GMDS: variants seen among roughly 807,000 people sequenced by gnomAD.
GMDS encodes the protein GDP-mannose 4,6-dehydratase, also known as GDP-mannose 4,6 dehydratase.
Under a neutral mutation model 49.9 loss-of-function variants are expected in GMDS, and 20 were observed. That is an observed-to-expected ratio of 0.40 (90% CI 0.28 to 0.58). The LOEUF (loss-of-function observed/expected upper bound fraction) is 0.58, where lower values mean the gene tolerates loss of function less well. Ranked by LOEUF, GMDS falls within the 20% of genes least tolerant of loss-of-function variation. The probability of loss-of-function intolerance (pLI) is 0.42; values close to 1 mark genes in which losing one functional copy is unlikely to be tolerated. For missense variants in GMDS, 362 were observed against 481.4 expected (o/e 0.75, Z 2.32); for synonymous variants, 177 against 178.6 (o/e 0.99, Z 0.07).
rs1763291374 is a variant in GMDS at position 1,640,331 on chromosome 6, A to C, written c.988-15791T>G. Among the ~76,000 whole-genome samples the C allele has an allele frequency of 3.9e-5, 6 of 152,178 alleles. No individual in the cohort carries two copies. The highest frequency in any genetic ancestry group is 3.9e-4 in the Admixed American group (6 of 15,286). On this transcript the variant is annotated intron_variant, in intron 9 of 10. Transcript: ENST00000380815. This position sits in a 1 kb window ranked among gnomAD's most constrained non-coding sequence, Gnocchi z 4.0. ...TAGGGTCACAGAGACTTAGGTTGAC[A>C]CTAGATTCACCACGTTTGAGGTGGC... is the stretch of plus-strand genomic sequence containing the variant.
chr6:2,240,901 A>T (rs1002163364), intron 1 of GMDS, among the ~76,000 whole-genome samples: 5 of 152,242 alleles, frequency 3.3e-5, no homozygotes, highest in African/African-American at 4.8e-5. Flanking sequence ...AAATTTTTCA[A>T]ATCTACAACC....
At chr6:2,151,146 A>G (rs1028137916) in intron 1 of GMDS, among the ~76,000 whole-genome samples, 2 of 152,096 alleles carry the variant, frequency 1.3e-5, no homozygotes, top group African/African-American at 4.8e-5. Flanking sequence ...AAATAATATA[A>G]TTATACATTT....
At chr6:2,010,365 T>C (rs751464842) in intron 4 of GMDS, among the ~76,000 whole-genome samples, 1 of 143,766 alleles carries the variant, frequency 7.0e-6, no homozygotes, top group Admixed American at 6.9e-5. Flanking sequence ...AAAAAACACA[T>C]AGCACATCAA....
intron 4 of GMDS, among the ~76,000 whole-genome samples, chr6:1,993,737 T>TAA (rs111826936): frequency 0.22 from 32,045 of 145,226 alleles, 3,579 homozygotes; most frequent in Non-Finnish European, 0.23. Context: ...ACTCCTTCTC[T>TAA]AAAAAAAAAA....
intron 7 of GMDS, among the ~76,000 whole-genome samples, chr6:1,749,104 G>A (rs1767625500): frequency 6.6e-6 from 1 of 152,144 alleles, no homozygotes; most frequent in East Asian, 1.9e-4. Flanking sequence ...CAACTTCATT[G>A]CACGCTTTGC....
At chr6:2,109,174 G>C (rs1214829608) in intron 4 of GMDS, among the ~76,000 whole-genome samples, 2 of 152,152 alleles carry the variant, frequency 1.3e-5, no homozygotes, top group African/African-American at 4.8e-5. Flanking sequence ...CTGTGAGCAG[G>C]CAGCACACTG....
At chr6:2,179,409 G>C (rs538591483) in intron 1 of GMDS, among the ~76,000 whole-genome samples, 5 of 152,338 alleles carry the variant, frequency 3.3e-5, no homozygotes, top group Admixed American at 2.6e-4. Flanking sequence ...CACTGTGGTA[G>C]TATTAAGAGG....
chr6:1,997,049 C>T (rs1411765337), intron 4 of GMDS, among the ~76,000 whole-genome samples: 2 of 151,828 alleles, frequency 1.3e-5, no homozygotes, highest in Non-Finnish European at 2.9e-5. Flanking sequence ...TCCTAGTGGG[C>T]TGATGATTCT....
chr6:1,720,899 G>A (rs1027274854), intron 9 of GMDS, among the ~76,000 whole-genome samples: 1 of 152,104 alleles, frequency 6.6e-6, no homozygotes, highest in Admixed American at 6.6e-5. Flanking sequence ...TGCTTTGGGA[G>A]GGGAAGTGTG....
intron 1 of GMDS, among the ~76,000 whole-genome samples, chr6:2,229,204 A>G (rs966074318): frequency 6.6e-6 from 1 of 152,148 alleles, no homozygotes; most frequent in Non-Finnish European, 1.5e-5. Flanking sequence ...CAATGTTCTC[A>G]TTTCCAGAAG....
At chr6:2,090,660 T>A (rs1024906070) in intron 4 of GMDS, among the ~76,000 whole-genome samples, 1 of 152,154 alleles carries the variant, frequency 6.6e-6, no homozygotes, top group Non-Finnish European at 1.5e-5. Flanking sequence ...TACAGTGGAA[T>A]AAAAACCAAA....
At chr6:2,068,748 T>C (rs577818838) in intron 4 of GMDS, among the ~76,000 whole-genome samples, 1 of 152,140 alleles carries the variant, frequency 6.6e-6, no homozygotes, top group South Asian at 2.1e-4. Flanking sequence ...TACAAGCCAC[T>C]GCTCAAGGAA....
At chr6:1,950,176 T>C (rs1043042141) in intron 6 of GMDS, among the ~76,000 whole-genome samples, 6 of 152,248 alleles carry the variant, frequency 3.9e-5, no homozygotes, top group African/African-American at 1.4e-4. Flanking sequence ...TCATGCATTA[T>C]ATTATTCCCT....
intron 9 of GMDS, among the ~76,000 whole-genome samples, chr6:1,634,582 C>T (rs1319080738): frequency 6.6e-6 from 1 of 152,226 alleles, no homozygotes; most frequent in Non-Finnish European, 1.5e-5. Flanking sequence ...ACAGTGAGAA[C>T]CCGCTCACTT....
At chr6:1,903,261 G>A (rs1295154166) in intron 7 of GMDS, among the ~76,000 whole-genome samples, 11 of 152,296 alleles carry the variant, frequency 7.2e-5, no homozygotes, top group African/African-American at 2.4e-4. Context: ...ATATGATCAC[G>A]ATATAGGGTT....
At chr6:1,915,738 A>G (rs549248628) in intron 7 of GMDS, among the ~76,000 whole-genome samples, 2 of 152,318 alleles carry the variant, frequency 1.3e-5, no homozygotes, top group Non-Finnish European at 2.9e-5. Flanking sequence ...TCTATGCCTT[A>G]TGTTTTCCCT....
rs765059011 is a variant in GMDS at position 2,227,208 on chromosome 6, CAT to C, written c.102+18111_102+18112del. On this transcript the variant is annotated intron_variant, in intron 1 of 10. Coordinates refer to ENST00000380815, the MANE Select transcript of GMDS (RefSeq NM_001500.4). Reference sequence around the variant, plus strand: ...AATATATATATTTCCATATATATGTCATATATATATATAAAATGTTTCAAGTC... The same window carrying C: ...AATATATATATTTCCATATATATGTCATATATATATAAAATGTTTCAAGTC... 4.8e-4 allele frequency among the ~76,000 whole-genome samples: 72 copies of C among 151,220 alleles called. 4 individuals are homozygous for C. The highest frequency in any genetic ancestry group is 1.2e-4 in the Non-Finnish European group (8 of 67,822).
intron 4 of GMDS, among the ~76,000 whole-genome samples, chr6:2,090,988 C>T (rs1773284890): frequency 6.6e-6 from 1 of 152,222 alleles, no homozygotes. Context: ...AGGGTGTACA[C>T]TGTGGACTGC....
At chr6:2,213,403 T>C (rs1780163130) in intron 1 of GMDS, among the ~76,000 whole-genome samples, 6 of 152,276 alleles carry the variant, frequency 3.9e-5, no homozygotes, top group Admixed American at 3.3e-4. Context: ...ATTTGTGACA[T>C]GAAAATAACA....
Sources: gnomAD v4.1 joint callset for allele counts (sites outside exome capture counted in the v4.1 genomes callset) on GRCh38, gnomAD v4.1.1 for gene constraint, Gnocchi (gnomAD v3.1) non-coding constraint, MANE v1.5 for transcripts, NCBI Gene and HGNC (gene_info 2026-07-23, HGNC 2026-07-21) for gene names.